The following CFAP47 variants were observed in gnomAD, a reference collection of about 807,000 sequenced individuals.
CFAP47 encodes the protein cilia and flagella associated protein 47.
Under a neutral mutation model 148.1 loss-of-function variants are expected in CFAP47, and 29 were observed. The observed-to-expected ratio is 0.20, with a 90% CI of 0.15 to 0.27. The LOEUF (loss-of-function observed/expected upper bound fraction) is 0.27. Ranked by LOEUF, CFAP47 falls within the 10% of genes least tolerant of loss-of-function variation. The pLI is 1.00. For missense variants in CFAP47, 1,872 were observed against 1,697.5 expected, an observed-to-expected ratio of 1.10 and a Z score of -1.81; for synonymous variants, 664 against 577.3, an observed-to-expected ratio of 1.15 and a Z score of -2.15.
At chrX:36,233,504 G>A (rs1483558144) in intron 46 of CFAP47, among the ~76,000 whole-genome samples, 1 of 111,278 alleles carries the variant, frequency 9.0e-6, no homozygotes, top group Non-Finnish European at 1.9e-5. Flanking sequence ...GAGCCTATGT[G>A]TGTCTCTGCC....
At position 35,975,832 on chromosome X, in the gene CFAP47, C is replaced by T; in HGVS notation, c.2632C>T (p.Arg878Cys). Residue 878 changes from arginine to cysteine, a missense_variant, in exon 15 of 64, where the codon CGT (arginine) becomes TGT (cysteine). Physicochemically the swap from Arg to Cys is radical, Grantham distance 180. Transcript: ENST00000378653. ...TCGGGGGACAGTTAGATTGTATAAT[C>T]GTCAGAATTGTTGTGCTCAGTTTCA... ...CFRGTVRLYN[R>C]QNCCAQFQWQ... The T allele has an allele frequency of 4.1e-6, 5 of 1,209,191 alleles. No individual in the cohort carries two copies. The highest frequency in any genetic ancestry group is 4.5e-6 in the Non-Finnish European group (4 of 893,468).
chrX:36,278,098 T>C (rs1228704532), intron 49 of CFAP47, among the ~76,000 whole-genome samples: 1 of 112,288 alleles, frequency 8.9e-6, no homozygotes, highest in African/African-American at 3.2e-5. Context: ...AACACCGTGC[T>C]GGGAGAACCA....
chrX:35,925,979 TTAA>T (rs747861276), intron 1 of CFAP47, 35 bp from the exon 2 acceptor site: 42 of 1,131,985 alleles, frequency 3.7e-5, no homozygotes, highest in Non-Finnish European at 4.8e-5. Context: ...TTATAAGGAG[TTAA>T]AATGTATAAT....
At chrX:36,343,757 G>T (rs924939972) in intron 57 of CFAP47, among the ~76,000 whole-genome samples, 1 of 111,534 alleles carries the variant, frequency 9.0e-6, no homozygotes, top group Non-Finnish European at 1.9e-5. Context: ...ATTGTGAAGG[G>T]CAATGGGAAA....
At chrX:36,151,615 T>A (rs1939307980) in intron 37 of CFAP47, among the ~76,000 whole-genome samples, 1 of 111,515 alleles carries the variant, frequency 9.0e-6, no homozygotes, top group African/African-American at 3.3e-5. Flanking sequence ...TGAATACAAA[T>A]TCAGAGCTGG....
chrX:36,363,066 C>CTTGGTGAATAT (rs1941842745), intron 61 of CFAP47, among the ~76,000 whole-genome samples: 1 of 111,337 alleles, frequency 9.0e-6, no homozygotes, highest in South Asian at 3.7e-4. Context: ...TTTAGAACAT[C>CTTGGTGAATAT]TTGGTGAATA....
intron 45 of CFAP47, among the ~76,000 whole-genome samples, chrX:36,223,370 C>A (rs1299680210): frequency 9.1e-6 from 1 of 109,303 alleles, no homozygotes; most frequent in Non-Finnish European, 1.9e-5. Flanking sequence ...AACAAATAGG[C>A]CAAAAAATTC....
chrX:36,061,002 C>A lies in CFAP47; in HGVS notation c.4218-4641C>A, dbSNP rs778360856. ...GATATGGTTTGGATTAGTGTCTCTGCCCAAATCTCATGTGGAATTGTAAGC... is the reference window on the plus strand; with the variant it reads ...GATATGGTTTGGATTAGTGTCTCTGACCAAATCTCATGTGGAATTGTAAGC... On this transcript the variant is annotated intron_variant, in intron 26 of 63. Coordinates refer to ENST00000378653, the MANE Select transcript of CFAP47 (RefSeq NM_001304548.2). Among the ~76,000 whole-genome samples, 5 of 111,555 alleles carry A rather than the reference C, an allele frequency of 4.5e-5. No individual in the cohort carries two copies. In the East Asian group the frequency reaches 1.1e-3, roughly 25 times the overall value.
rs1936570480 is a variant in CFAP47 at position 35,976,372 on chromosome X, A to G, written c.2713+459A>G. Among the ~76,000 whole-genome samples the G allele has an allele frequency of 3.6e-5, 4 of 111,210 alleles. No individual in the cohort carries two copies. In the Admixed American group the frequency reaches 3.9e-4, roughly 11 times the overall value. On this transcript the variant is annotated intron_variant, in intron 15 of 63. Transcript: ENST00000378653. ...TAAGGCTTTCAAATAATTGGATGAG[A>G]CCCACCCGCATTATGAAAGGTAATC...
At chrX:36,057,199 C>A (rs1398746656) in intron 26 of CFAP47, among the ~76,000 whole-genome samples, 2 of 111,307 alleles carry the variant, frequency 1.8e-5, no homozygotes, top group African/African-American at 6.5e-5. Flanking sequence ...GTATGCTTAT[C>A]TTTGCATTTA....
chrX:36,172,806 G>A (rs1396608632), intron 39 of CFAP47, among the ~76,000 whole-genome samples: 2 of 111,538 alleles, frequency 1.8e-5, no homozygotes, highest in African/African-American at 3.3e-5. Context: ...GGATGATGCT[G>A]GCCTCATAAA....
At chrX:36,197,154 T>C (rs904909231) in intron 42 of CFAP47, among the ~76,000 whole-genome samples, 3 of 112,189 alleles carry the variant, frequency 2.7e-5, no homozygotes, top group Non-Finnish European at 5.6e-5. Context: ...TTTTGAGATA[T>C]GGTAATATAC....
intron 1 of CFAP47, among the ~76,000 whole-genome samples, chrX:35,922,806 T>G (rs779239101): frequency 8.9e-6 from 1 of 112,407 alleles, no homozygotes; most frequent in Non-Finnish European, 1.9e-5. Context: ...ATTTTCAACA[T>G]AACCTCCATT....
At chrX:36,141,854 A>G (rs1240324122) in intron 35 of CFAP47, among the ~76,000 whole-genome samples, 1 of 111,201 alleles carries the variant, frequency 9.0e-6, no homozygotes, top group Admixed American at 9.6e-5. Flanking sequence ...GAAGTCTCAC[A>G]TAACACCTTC....
At chrX:36,014,193 T>C (rs1309097575) in intron 21 of CFAP47, among the ~76,000 whole-genome samples, 1 of 112,025 alleles carries the variant, frequency 8.9e-6, no homozygotes, top group African/African-American at 3.2e-5. Flanking sequence ...TGCTAATGTG[T>C]AATTTGTATA....
At chrX:35,994,775 A>T (rs188792096) in intron 18 of CFAP47, among the ~76,000 whole-genome samples, 1,184 of 111,033 alleles carry the variant, frequency 0.011, 15 homozygotes, top group African/African-American at 0.037. Flanking sequence ...TTTTTTTTCT[A>T]ATCTTACCTT....
chrX:36,064,032 C>G (rs1274215415), intron 26 of CFAP47, among the ~76,000 whole-genome samples: 1 of 112,062 alleles, frequency 8.9e-6, no homozygotes, highest in Non-Finnish European at 1.9e-5. Context: ...GAATTTATTA[C>G]AGTGGTCTTT....
intron 1 of CFAP47, among the ~76,000 whole-genome samples, chrX:35,922,855 A>G (rs934288585): frequency 1.5e-4 from 17 of 111,955 alleles, no homozygotes; most frequent in Non-Finnish European, 1.9e-5. Context: ...AGGCTGGCTT[A>G]TTATCTGCTT....
intron 24 of CFAP47, among the ~76,000 whole-genome samples, chrX:36,038,745 A>G (rs1026230704): frequency 1.8e-5 from 2 of 112,481 alleles, no homozygotes; most frequent in Middle Eastern, 4.6e-3. Flanking sequence ...GAAAATCTAC[A>G]TTAAAGAGAC....
Sources: allele counts gnomAD v4.1 joint callset (sites outside exome capture counted in the v4.1 genomes callset), GRCh38; gene constraint gnomAD v4.1.1; transcripts MANE v1.5; gene names NCBI Gene and HGNC (gene_info 2026-07-23, HGNC 2026-07-21).